The following PLPPR1 variants were observed in gnomAD, a reference collection of about 807,000 sequenced individuals.
The protein encoded by PLPPR1 is phospholipid phosphatase-related protein type 1.
A neutral mutation model predicts 33.1 loss-of-function variants in PLPPR1; 10 were observed. That is an observed-to-expected ratio of 0.30 (90% CI 0.19 to 0.51). The LOEUF is 0.51. PLPPR1 is among the 20% of genes least tolerant of loss of function. PLPPR1 has a pLI of 0.97. For missense variants in PLPPR1, 304 were observed against 408.1 expected (o/e 0.74, Z 2.20); for synonymous variants, 151 against 151.0 (o/e 1.00, Z 0.00).
At chr9:101,138,337 A>T (rs925308888) in intron 1 of PLPPR1, among the ~76,000 whole-genome samples, 34 of 152,142 alleles carry the variant, frequency 2.2e-4, no homozygotes, top group African/African-American at 6.5e-4. Flanking sequence ...GACAGGCTAT[A>T]TTTCACTTAC....
intron 1 of PLPPR1, among the ~76,000 whole-genome samples, chr9:101,038,266 C>A (rs1229298110): frequency 6.6e-6 from 1 of 152,064 alleles, no homozygotes; most frequent in Non-Finnish European, 1.5e-5. Flanking sequence ...ATGACTGTTG[C>A]TTTCCATCTT....
chr9:101,041,842 A>G (rs1025551778), intron 1 of PLPPR1, among the ~76,000 whole-genome samples: 2 of 152,188 alleles, frequency 1.3e-5, no homozygotes, highest in Admixed American at 6.5e-5. Context: ...CTTGCTTTGA[A>G]CAGAAGTTTT....
At chr9:101,210,423 A>G (rs1288425974) in intron 2 of PLPPR1, among the ~76,000 whole-genome samples, 1 of 152,092 alleles carries the variant, frequency 6.6e-6, no homozygotes, top group Non-Finnish European at 1.5e-5. Flanking sequence ...CTGGGAAGAC[A>G]AGTCTGTGCC....
intron 1 of PLPPR1, among the ~76,000 whole-genome samples, chr9:101,038,756 G>A (rs569327485): frequency 6.6e-6 from 1 of 152,258 alleles, no homozygotes; most frequent in South Asian, 2.1e-4. Flanking sequence ...CATGCCTTAT[G>A]TAACTGCTGT....
rs1007226878 is a variant in PLPPR1, at chr9:101,275,794, T to C, written c.252+5726T>C. On this transcript the variant is annotated intron_variant, in intron 3 of 7. Coordinates refer to ENST00000374874, the MANE Select transcript of PLPPR1 (RefSeq NM_207299.2). ...GAAGTGACAGGGGAGTATTTAGTATTGAAGTAGCAGAACATGACTTCCAGC... is the reference window on the plus strand; with the variant it reads ...GAAGTGACAGGGGAGTATTTAGTATCGAAGTAGCAGAACATGACTTCCAGC... Among the ~76,000 whole-genome samples the C allele has an allele frequency of 3.9e-5, 6 of 152,308 alleles. No homozygotes were observed. The South Asian group carries it at 1.2e-3, about 32-fold the overall frequency.
chr9:101,051,395 A>G (rs902911231), intron 1 of PLPPR1, among the ~76,000 whole-genome samples: 5 of 152,068 alleles, frequency 3.3e-5, no homozygotes, highest in Admixed American at 2.0e-4. Context: ...TAAGCTCTTT[A>G]TTCTGGCACT....
intron 4 of PLPPR1, 67 bp from the exon 5 acceptor site, chr9:101,309,144 C>G: frequency 6.4e-7 from 1 of 1,550,768 alleles, no homozygotes; most frequent in Non-Finnish European, 8.9e-7. Flanking sequence ...CCGCTGTTTT[C>G]TCTTAGGAGA....
chr9:101,130,552 A>AT (rs1286904954), intron 1 of PLPPR1, among the ~76,000 whole-genome samples: 1 of 152,156 alleles, frequency 6.6e-6, no homozygotes, highest in African/African-American at 2.4e-5. Context: ...TTAAGCACTT[A>AT]TTTTTTGTGA....
chr9:101,320,364 A>G (rs1359464660), intron 7 of PLPPR1, among the ~76,000 whole-genome samples: 1 of 152,174 alleles, frequency 6.6e-6, no homozygotes, highest in Non-Finnish European at 1.5e-5. Flanking sequence ...TGAGGACCCT[A>G]TAAACCATGT....
At chr9:101,157,713 T>G (rs1202506048) in intron 1 of PLPPR1, among the ~76,000 whole-genome samples, 1 of 151,984 alleles carries the variant, frequency 6.6e-6, no homozygotes, top group Non-Finnish European at 1.5e-5. Flanking sequence ...TAAATGAAAC[T>G]TATAGGGGCC....
intron 3 of PLPPR1, among the ~76,000 whole-genome samples, chr9:101,274,926 G>A (rs1366962162): frequency 2.0e-5 from 3 of 152,152 alleles, no homozygotes; most frequent in Non-Finnish European, 1.5e-5. Context: ...CTAAGCACCT[G>A]CCAGTTCTCA....
chr9:101,140,607 G>T (rs946453646), intron 1 of PLPPR1, among the ~76,000 whole-genome samples: 4 of 152,098 alleles, frequency 2.6e-5, no homozygotes, highest in African/African-American at 9.7e-5. Context: ...CTTCTAGAAG[G>T]TACAATATGC....
intron 1 of PLPPR1, among the ~76,000 whole-genome samples, chr9:101,129,804 C>A (rs1418815747): frequency 1.3e-5 from 2 of 151,922 alleles, no homozygotes; most frequent in Non-Finnish European, 2.9e-5. Flanking sequence ...GCACTCCAGC[C>A]TAGGCGACAG....
At chr9:101,084,092 G>A (rs1374801957) in intron 1 of PLPPR1, among the ~76,000 whole-genome samples, 1 of 152,188 alleles carries the variant, frequency 6.6e-6, no homozygotes, top group African/African-American at 2.4e-5. Flanking sequence ...CTTTGACTCA[G>A]AGCTTTCTGT....
intron 1 of PLPPR1, among the ~76,000 whole-genome samples, chr9:101,167,693 C>G (rs1299165807): frequency 6.6e-6 from 1 of 152,092 alleles, no homozygotes; most frequent in African/African-American, 2.4e-5. Context: ...AATAACATAA[C>G]AAATGTCCCT....
At chr9:101,217,625 A>G (rs912385483) in intron 2 of PLPPR1, among the ~76,000 whole-genome samples, 10 of 152,236 alleles carry the variant, frequency 6.6e-5, no homozygotes, top group African/African-American at 1.9e-4. Context: ...GCAGCCATAC[A>G]TAATACATAA....
chr9:101,224,520 C>A (rs374029070), intron 2 of PLPPR1, among the ~76,000 whole-genome samples: 1 of 152,160 alleles, frequency 6.6e-6, no homozygotes, highest in East Asian at 1.9e-4. Flanking sequence ...GGTTTCACTT[C>A]GGAAAGAAAA....
intron 7 of PLPPR1, among the ~76,000 whole-genome samples, chr9:101,317,766 T>TA (rs1302613940): frequency 6.6e-6 from 1 of 152,210 alleles, no homozygotes; most frequent in Non-Finnish European, 1.5e-5. Context: ...ACCTACAATA[T>TA]AATATCACAT....
At chr9:101,282,143 A>C (rs552940807) in intron 3 of PLPPR1, among the ~76,000 whole-genome samples, 1 of 152,302 alleles carries the variant, frequency 6.6e-6, no homozygotes, top group South Asian at 2.1e-4. Context: ...ATTCCTGATG[A>C]ACATAGATAC....
Sources: gnomAD v4.1 joint callset for allele counts (sites outside exome capture counted in the v4.1 genomes callset) on GRCh38, gnomAD v4.1.1 for gene constraint, MANE v1.5 for transcripts, NCBI Gene and HGNC (gene_info 2026-07-23, HGNC 2026-07-21) for gene names.